The following LEKR1 variants were observed in gnomAD, a reference collection of about 807,000 sequenced individuals.
LEKR1 encodes leucine, glutamate and lysine rich 1, also known as protein LEKR1.
Under a neutral mutation model 72.4 loss-of-function variants are expected in LEKR1, and 59 were observed. That is an observed-to-expected ratio of 0.82 (90% CI 0.66 to 1.01). The LOEUF (loss-of-function observed/expected upper bound fraction) is 1.01, where lower values mean the gene tolerates loss of function less well. LEKR1 is among the 50% of genes least tolerant of loss of function. The pLI is 0.00. For missense variants in LEKR1, 728 were observed against 759.2 expected (o/e 0.96, Z 0.48); for synonymous variants, 257 against 263.2 (o/e 0.98, Z 0.23).
chr3:156,932,938 C>T (rs1363081717), intron 5 of LEKR1, among the ~76,000 whole-genome samples: 1 of 151,048 alleles, frequency 6.6e-6, no homozygotes, highest in Non-Finnish European at 1.5e-5. Flanking sequence ...GCTGAGGCAG[C>T]AGAATGGCGT....
At chr3:156,873,833 T>C (rs1327981328) in intron 3 of LEKR1, among the ~76,000 whole-genome samples, 1 of 152,134 alleles carries the variant, frequency 6.6e-6, no homozygotes, top group African/African-American at 2.4e-5. Flanking sequence ...TCCCATTCTT[T>C]CCTGGCCCAT....
intron 6 of LEKR1, among the ~76,000 whole-genome samples, chr3:156,944,289 G>T (rs922501599): frequency 6.6e-6 from 1 of 151,602 alleles, no homozygotes; most frequent in African/African-American, 2.4e-5. Context: ...TGGGTACATA[G>T]TAGGGGTATA....
At chr3:156,892,256 T>A (rs1220034260) in intron 3 of LEKR1, among the ~76,000 whole-genome samples, 1 of 152,118 alleles carries the variant, frequency 6.6e-6, no homozygotes, top group Non-Finnish European at 1.5e-5. Flanking sequence ...ATAATTGATG[T>A]TATATATCAA....
chr3:157,017,175 A>G (rs1240121060), intron 10 of LEKR1, among the ~76,000 whole-genome samples: 1 of 152,214 alleles, frequency 6.6e-6, no homozygotes, highest in Admixed American at 6.5e-5. Flanking sequence ...TGTAACATAT[A>G]AAAGCAACCA....
intron 3 of LEKR1, among the ~76,000 whole-genome samples, chr3:156,911,976 G>T (rs1405854243): frequency 1.6e-4 from 25 of 151,778 alleles, no homozygotes. Flanking sequence ...TATTGCTTGG[G>T]CTATTAGGGC....
At chr3:156,843,267 T>C (rs1307825440) in intron 2 of LEKR1, among the ~76,000 whole-genome samples, 1 of 152,208 alleles carries the variant, frequency 6.6e-6, no homozygotes, top group Non-Finnish European at 1.5e-5. Context: ...ACTCCTCTTT[T>C]TAGAAAAGAG....
At chr3:156,970,782 G>A (rs1485795506) in intron 6 of LEKR1, among the ~76,000 whole-genome samples, 2 of 152,190 alleles carry the variant, frequency 1.3e-5, no homozygotes, top group African/African-American at 4.8e-5. Context: ...CAACTTACAA[G>A]GGATGTGAAG....
intron 5 of LEKR1, among the ~76,000 whole-genome samples, chr3:156,940,737 T>A (rs1451074045): frequency 6.6e-6 from 1 of 152,186 alleles, no homozygotes; most frequent in Non-Finnish European, 1.5e-5. Context: ...TACAAATAAA[T>A]TTGTATTGCA....
intron 3 of LEKR1, among the ~76,000 whole-genome samples, chr3:156,912,691 T>G (rs542613245): frequency 1.3e-5 from 2 of 152,218 alleles, no homozygotes; most frequent in Non-Finnish European, 2.9e-5. Context: ...CTGCCACCAC[T>G]GTTTGAATTA....
chr3:156,920,656 TGA>T lies in LEKR1; in HGVS notation c.347_348del (p.Glu116AlafsTer4). The T allele has an allele frequency of 6.9e-7, 1 of 1,445,468 alleles. No homozygotes were observed. Among genetic ancestry groups the T allele is most frequent in the Admixed American group, 2.1e-5 (1 of 48,264 alleles). The allele number at this position is 1,445,468 out of a possible 1,614,324, so 89.5% of individuals were successfully genotyped here. On this transcript the variant is annotated frameshift_variant, in exon 4 of 13. Coordinates refer to ENST00000356539, the MANE Select transcript of LEKR1 (RefSeq NM_001004316.3). LOFTEE classifies it high-confidence loss of function. ...VKKQLSHLQD[E>X]LKIKYRQSYI... Reference sequence around the variant, plus strand: ...AGAAACAACTGAGTCATTTGCAAGATGAGCTAAAAATTAAATATAGACAATCA... The same window carrying T: ...AGAAACAACTGAGTCATTTGCAAGATGCTAAAAATTAAATATAGACAATCA...
At chr3:156,882,181 CA>C (rs1333533085) in intron 3 of LEKR1, among the ~76,000 whole-genome samples, 3 of 151,884 alleles carry the variant, frequency 2.0e-5, no homozygotes, top group African/African-American at 7.3e-5. Context: ...AGCTTCTGCA[CA>C]ACAAAAGAAA....
chr3:156,855,393 A>G (rs1386177731), intron 3 of LEKR1, among the ~76,000 whole-genome samples: 4 of 152,146 alleles, frequency 2.6e-5, no homozygotes, highest in African/African-American at 7.2e-5. Flanking sequence ...TTTGCCAATG[A>G]AGCTGAACAT....
chr3:156,925,077 GT>G (rs1724582302), intron 4 of LEKR1: 1 of 151,974 alleles, frequency 6.6e-6, no homozygotes, highest in East Asian at 1.9e-4. Context: ...AATGTGGTAT[GT>G]TTTTCCATGG....
At chr3:156,839,742 G>T (rs544481001) in intron 2 of LEKR1, among the ~76,000 whole-genome samples, 33 of 152,254 alleles carry the variant, frequency 2.2e-4, no homozygotes, top group Non-Finnish European at 3.8e-4. Context: ...TGGCAGAAGG[G>T]TTTCAATTAT....
At chr3:156,907,279 G>A (rs1722619156) in intron 3 of LEKR1, among the ~76,000 whole-genome samples, 2 of 151,948 alleles carry the variant, frequency 1.3e-5, no homozygotes, top group South Asian at 2.1e-4. Context: ...AGACATATAT[G>A]TACATATAGA....
intron 12 of LEKR1, among the ~76,000 whole-genome samples, chr3:157,038,662 A>G (rs915231278): frequency 6.6e-6 from 1 of 152,270 alleles, no homozygotes. Flanking sequence ...ACTATCAAGG[A>G]CTCTAAAGAA....
intron 6 of LEKR1, among the ~76,000 whole-genome samples, chr3:156,961,907 G>C (rs975201048): frequency 6.6e-6 from 1 of 152,158 alleles, no homozygotes; most frequent in African/African-American, 2.4e-5. Flanking sequence ...TTCCTGATGT[G>C]ATAGCAAACC....
chr3:156,904,711 C>T (rs1447045086), intron 3 of LEKR1, among the ~76,000 whole-genome samples: 2 of 151,594 alleles, frequency 1.3e-5, no homozygotes, highest in South Asian at 2.1e-4. Context: ...GTTGCCCAGG[C>T]TGGTCCCAAA....
chr3:156,902,753 A>T (rs1722154747), intron 3 of LEKR1, among the ~76,000 whole-genome samples: 3 of 152,154 alleles, frequency 2.0e-5, no homozygotes, highest in South Asian at 2.1e-4. Context: ...ATTCCTCAGA[A>T]TACAAATCAT....
Sources: gnomAD v4.1 joint callset for allele counts (sites outside exome capture counted in the v4.1 genomes callset) on GRCh38, gnomAD v4.1.1 for gene constraint, MANE v1.5 for transcripts, NCBI Gene and HGNC (gene_info 2026-07-23, HGNC 2026-07-21) for gene names.